Variants in DEPTOR observed in about 807,000 individuals in gnomAD.
DEPTOR encodes the protein DEP domain-containing mTOR-interacting protein.
Under a neutral mutation model 41.6 loss-of-function variants are expected in DEPTOR, and 41 were observed. That is an observed-to-expected ratio of 0.98 (90% CI 0.77 to 1.28). DEPTOR has a LOEUF of 1.28. Ranked by LOEUF, DEPTOR falls within the 50% of genes most tolerant of loss-of-function variation. The pLI is 0.00. For synonymous variants in DEPTOR, 195 were observed against 192.3 expected, an observed-to-expected ratio of 1.01 and a Z score of -0.12; for missense variants, 514 against 527.9, an observed-to-expected ratio of 0.97 and a Z score of 0.26.
chr8:119,937,131 C>T (rs188246552), intron 3 of DEPTOR, among the ~76,000 whole-genome samples: 19 of 151,822 alleles, frequency 1.3e-4, no homozygotes, highest in Admixed American at 2.6e-4. Context: ...ATTTTCTGGC[C>T]GGGCTCACGC....
intron 4 of DEPTOR, among the ~76,000 whole-genome samples, chr8:119,972,961 C>T (rs1352802233): frequency 6.6e-5 from 10 of 150,498 alleles, no homozygotes; most frequent in East Asian, 3.9e-4. Context: ...TTTTTTGAGA[C>T]GGAGTTTCGC....
rs137972700 is a variant in DEPTOR, at chr8:119,929,279, C to T, written c.302-536C>T. 2.1e-3 allele frequency among the ~76,000 whole-genome samples: 326 copies of T among 152,080 alleles called. 2 individuals are homozygous for T. The highest frequency in any genetic ancestry group is 7.6e-3 in the African/African-American group (314 of 41,492). ...TTTCGCCTCATTTTTTGCCCAATTT[C>T]GATTCATTCTTCAGGTCTCCACTTA... On this transcript the variant is annotated intron_variant, in intron 2 of 8. Coordinates refer to ENST00000286234, the MANE Select transcript of DEPTOR (RefSeq NM_022783.4).
intron 3 of DEPTOR, among the ~76,000 whole-genome samples, chr8:119,931,602 G>A (rs75255697): frequency 0.037 from 5,667 of 152,142 alleles, 190 homozygotes; most frequent in Middle Eastern, 0.054. Context: ...TCTTGTCTCC[G>A]TTTCTTGAGG....
intron 6 of DEPTOR, among the ~76,000 whole-genome samples, chr8:120,006,351 C>G (rs1812437472): frequency 6.6e-6 from 1 of 152,018 alleles, no homozygotes; most frequent in South Asian, 2.1e-4. Flanking sequence ...TGGTGAAACC[C>G]TGTCTCTATT....
At chr8:119,904,716 G>A (rs1004979856) in intron 1 of DEPTOR, among the ~76,000 whole-genome samples, 14 of 149,202 alleles carry the variant, frequency 9.4e-5, no homozygotes, top group Admixed American at 8.0e-4. Context: ...GCCTGGTCTC[G>A]AACTCCTGAC....
chr8:120,039,212 T>C (rs1378230213), intron 8 of DEPTOR, among the ~76,000 whole-genome samples: 1 of 152,180 alleles, frequency 6.6e-6, no homozygotes, highest in Non-Finnish European at 1.5e-5. Flanking sequence ...TGTGAGGACA[T>C]AGAAGGTGCC....
At chr8:119,966,448 C>T (rs181268243) in intron 4 of DEPTOR, among the ~76,000 whole-genome samples, 1 of 152,304 alleles carries the variant, frequency 6.6e-6, no homozygotes, top group African/African-American at 2.4e-5. Context: ...CCCCTTTGCC[C>T]TCTGAAGGTT....
At chr8:119,980,453 T>TTCTTCTTTTCTTTTCTTTTC (rs1828748020) in intron 4 of DEPTOR, among the ~76,000 whole-genome samples, 1 of 110,910 alleles carries the variant, frequency 9.0e-6, no homozygotes, top group Admixed American at 1.0e-4. Flanking sequence ...TCATTTTTCT[T>TTCTTCTTTTCTTTTCTTTTC]TTTTCTTTTC....
intron 4 of DEPTOR, among the ~76,000 whole-genome samples, chr8:119,979,945 A>T (rs1056772567): frequency 5.3e-5 from 8 of 151,878 alleles, no homozygotes; most frequent in African/African-American, 1.9e-4. Flanking sequence ...AACTGGAAAA[A>T]CTCTTGATCA....
intron 3 of DEPTOR, among the ~76,000 whole-genome samples, chr8:119,946,014 G>C (rs1019184200): frequency 1.3e-5 from 2 of 152,140 alleles, no homozygotes; most frequent in Non-Finnish European, 2.9e-5. Flanking sequence ...AGGCTCCCTC[G>C]GTTGGTCGGG....
At chr8:119,893,792 T>A (rs1374464459) in intron 1 of DEPTOR, among the ~76,000 whole-genome samples, 1 of 151,110 alleles carries the variant, frequency 6.6e-6, no homozygotes, top group Non-Finnish European at 1.5e-5. Context: ...AAAAAATCTC[T>A]CCATAGGTTC....
Position 119,873,789 on chromosome 8 carries a change from G to C in DEPTOR, c.-58G>C, listed in dbSNP as rs1420175351. On this transcript the variant is annotated 5_prime_UTR_variant, in exon 1 of 9. Coordinates refer to ENST00000286234, the MANE Select transcript of DEPTOR (RefSeq NM_022783.4). ...AGCGTCTGTGAGGGCAGACTGATCCGAGCACCCAAACCCTCGGCGGACAGC... is the reference window on the plus strand; with the variant it reads ...AGCGTCTGTGAGGGCAGACTGATCCCAGCACCCAAACCCTCGGCGGACAGC... The C allele has an allele frequency of 4.1e-5, 65 of 1,600,260 alleles. No homozygotes were observed. Among genetic ancestry groups the C allele is most frequent in the Non-Finnish European group, 5.4e-5 (63 of 1,173,534 alleles).
chr8:120,034,528 A>G (rs1416818672), intron 8 of DEPTOR, among the ~76,000 whole-genome samples: 1 of 134,878 alleles, frequency 7.4e-6, no homozygotes. Context: ...GCTCACTGCA[A>G]TCTCCACCTC....
intron 3 of DEPTOR, among the ~76,000 whole-genome samples, chr8:119,962,221 C>G (rs1306375017): frequency 6.6e-6 from 1 of 151,982 alleles, no homozygotes; most frequent in Admixed American, 6.6e-5. Context: ...TGCACCACTG[C>G]ACTCCAGCCT....
intron 3 of DEPTOR, among the ~76,000 whole-genome samples, chr8:119,939,957 C>T (rs141494534): frequency 1.6e-4 from 25 of 151,970 alleles, no homozygotes; most frequent in African/African-American, 5.6e-4. Flanking sequence ...GTGGCTCACA[C>T]CTGTAATCCC....
intron 1 of DEPTOR, among the ~76,000 whole-genome samples, chr8:119,902,500 T>G (rs1827608013): frequency 6.6e-6 from 1 of 152,128 alleles, no homozygotes; most frequent in South Asian, 2.1e-4. Flanking sequence ...CCACCACACC[T>G]GGCTAATTTT....
chr8:120,039,063 A>T (rs541280285), intron 8 of DEPTOR, among the ~76,000 whole-genome samples: 1 of 152,212 alleles, frequency 6.6e-6, no homozygotes, highest in Non-Finnish European at 1.5e-5. Context: ...CATATGCTAA[A>T]ATCCTAACTC....
At chr8:119,999,380 G>A (rs1219932093) in intron 4 of DEPTOR, among the ~76,000 whole-genome samples, 4 of 152,232 alleles carry the variant, frequency 2.6e-5, no homozygotes, top group Non-Finnish European at 5.9e-5. Flanking sequence ...AGGTCATGCT[G>A]GGTTTATAGG....
chr8:120,039,690 A>C (rs1166682080), intron 8 of DEPTOR, among the ~76,000 whole-genome samples: 1 of 152,094 alleles, frequency 6.6e-6, no homozygotes, highest in Non-Finnish European at 1.5e-5. Context: ...CTGAGTCCTT[A>C]TTCTCAGGAG....
Sources: gnomAD v4.1 joint callset for allele counts (sites outside exome capture counted in the v4.1 genomes callset) on GRCh38, gnomAD v4.1.1 for gene constraint, MANE v1.5 for transcripts, NCBI Gene and HGNC (gene_info 2026-07-23, HGNC 2026-07-21) for gene names.